The following ASIC2 variants were observed in gnomAD, a reference collection of about 807,000 sequenced individuals.
ASIC2 encodes acid sensing ion channel subunit 2.
Under a neutral mutation model 57.3 loss-of-function variants are expected in ASIC2, and 25 were observed. The observed-to-expected ratio is 0.44, with a 90% CI of 0.32 to 0.61. The LOEUF (loss-of-function observed/expected upper bound fraction) is 0.61, where lower values mean the gene tolerates loss of function less well. Among genes scored for constraint, ASIC2 ranks in the 20% least tolerant of loss-of-function variants. The pLI, the probability that ASIC2 is intolerant of heterozygous loss-of-function variation, is 0.06. For missense variants in ASIC2, 641 were observed against 738.1 expected, an observed-to-expected ratio of 0.87 and a Z score of 1.52; for synonymous variants, 319 against 307.5, an observed-to-expected ratio of 1.04 and a Z score of -0.39.
At chr17:33,508,735 C>A (rs1037955797) in intron 1 of ASIC2, among the ~76,000 whole-genome samples, 3 of 152,298 alleles carry the variant, frequency 2.0e-5, no homozygotes, top group Admixed American at 6.5e-5. Flanking sequence ...CTCCAGGCTG[C>A]CTTCAGTTTC....
At chr17:33,980,942 A>ACCCCATCCCTTCCTCAAGTGTAATT (rs112983675) in intron 1 of ASIC2, 5 of 130,558 alleles carry the variant, frequency 3.8e-5, no homozygotes, top group African/African-American at 1.2e-4. Context: ...CTCAAGTGTA[A>ACCCCATCCCTTCCTCAAGTGTAATT]TTTTTTTTTT....
intron 1 of ASIC2, among the ~76,000 whole-genome samples, chr17:33,907,645 T>G (rs1915377134): frequency 6.6e-6 from 1 of 152,178 alleles, no homozygotes; most frequent in Non-Finnish European, 1.5e-5. Context: ...ATTCTTTTCT[T>G]TCTTCCGGAT....
At chr17:33,932,713 C>CAAAGA (rs1567760132) in intron 1 of ASIC2, 2 of 44,076 alleles carry the variant, frequency 4.5e-5, no homozygotes, top group Admixed American at 3.8e-4. Flanking sequence ...AACTTTGTTT[C>CAAAGA]AAAAAAAAAA....
intron 1 of ASIC2, among the ~76,000 whole-genome samples, chr17:33,911,777 C>A (rs968216119): frequency 6.6e-6 from 1 of 152,166 alleles, no homozygotes; most frequent in East Asian, 1.9e-4. Context: ...AGCTAACATT[C>A]ATACTTATGG....
At chr17:33,561,196 A>G (rs1415696562) in intron 1 of ASIC2, among the ~76,000 whole-genome samples, 2 of 152,224 alleles carry the variant, frequency 1.3e-5, no homozygotes, top group African/African-American at 2.4e-5. Context: ...CATGAAGGCC[A>G]ACACTAGAAT....
chr17:33,160,237 A>AAGAAT (rs1158718492), intron 1 of ASIC2, among the ~76,000 whole-genome samples: 1 of 151,784 alleles, frequency 6.6e-6, no homozygotes, highest in Non-Finnish European at 1.5e-5. Flanking sequence ...AAGAAAAGAA[A>AAGAAT]AGAAAATGCT....
intron 1 of ASIC2, among the ~76,000 whole-genome samples, chr17:34,044,833 C>T (rs1908277434): frequency 6.6e-6 from 1 of 152,152 alleles, no homozygotes; most frequent in African/African-American, 2.4e-5. Flanking sequence ...TTGGGCTGCC[C>T]CTCATCATCT....
intron 1 of ASIC2, among the ~76,000 whole-genome samples, chr17:33,560,306 G>C (rs546606586): frequency 6.6e-6 from 1 of 152,222 alleles, no homozygotes. Flanking sequence ...CGTCCTCCCT[G>C]ATCAGAGAAA....
At chr17:33,788,666 G>A (rs1400561384) in intron 1 of ASIC2, among the ~76,000 whole-genome samples, 4 of 152,124 alleles carry the variant, frequency 2.6e-5, no homozygotes, top group Non-Finnish European at 5.9e-5. Flanking sequence ...ACCCATCGAC[G>A]ATAGATTGGA....
intron 1 of ASIC2, among the ~76,000 whole-genome samples, chr17:33,211,761 C>T (rs1187578479): frequency 6.6e-6 from 1 of 152,194 alleles, no homozygotes; most frequent in East Asian, 1.9e-4. Context: ...GAGTCCTGAT[C>T]TGTTTGCACA....
At chr17:33,216,914 T>G (rs1340588865) in intron 1 of ASIC2, among the ~76,000 whole-genome samples, 1 of 151,842 alleles carries the variant, frequency 6.6e-6, no homozygotes, top group African/African-American at 2.4e-5. Context: ...TGAGAAACAG[T>G]GAAGGGGTGG....
At chr17:33,513,933 C>G (rs1374921235) in intron 1 of ASIC2, among the ~76,000 whole-genome samples, 1 of 152,224 alleles carries the variant, frequency 6.6e-6, no homozygotes, top group Non-Finnish European at 1.5e-5. Flanking sequence ...TAGACGCCAT[C>G]ATAGGTGTAG....
chr17:33,733,141 T>C (rs1412735103), intron 1 of ASIC2, among the ~76,000 whole-genome samples: 2 of 152,204 alleles, frequency 1.3e-5, no homozygotes, highest in Non-Finnish European at 2.9e-5. Flanking sequence ...AATATAATTA[T>C]TGGCCCTAAC....
At position 34,029,729 on chromosome 17, in the gene ASIC2, G is replaced by C. The variant is rs149233023; in HGVS notation, c.555+126249C>G. Among the ~76,000 whole-genome samples the C allele has an allele frequency of 2.4e-3, 361 of 152,358 alleles. 2 individuals are homozygous for C. The highest frequency in any genetic ancestry group is 8.1e-3 in the African/African-American group (335 of 41,584). The stretch of plus-strand genomic sequence containing the variant: ...TGAGAAAGCAGCTATCTGCAAGTCA[G>C]GAAGAGAGCCTTCACCAGAAAATTG... On this transcript the variant is annotated intron_variant, in intron 1 of 9. Coordinates refer to the ASIC2 transcript ENST00000359872.
intron 1 of ASIC2, among the ~76,000 whole-genome samples, chr17:33,878,328 C>T (rs369196543): frequency 2.0e-4 from 31 of 152,208 alleles, no homozygotes; most frequent in South Asian, 2.1e-4. Flanking sequence ...GGAGGAAGTT[C>T]GAACCCATAG....
At chr17:33,343,998 A>G (rs1597691425) in intron 1 of ASIC2, among the ~76,000 whole-genome samples, 1 of 152,074 alleles carries the variant, frequency 6.6e-6, no homozygotes, top group Non-Finnish European at 1.5e-5. Flanking sequence ...CTTCCCAGAT[A>G]CCTCCAGGCT....
intron 1 of ASIC2, among the ~76,000 whole-genome samples, chr17:33,613,512 C>T (rs1311272427): frequency 6.6e-6 from 1 of 151,768 alleles, no homozygotes; most frequent in Non-Finnish European, 1.5e-5. Context: ...CTACAGGCAC[C>T]CGCCACCACG....
chr17:34,031,708 G>A (rs1163825867), intron 1 of ASIC2, among the ~76,000 whole-genome samples: 1 of 152,250 alleles, frequency 6.6e-6, no homozygotes, highest in Non-Finnish European at 1.5e-5. Flanking sequence ...AGAGCTACGT[G>A]ACGAATGCAG....
At chr17:33,463,840 T>C (rs371267082) in intron 1 of ASIC2, among the ~76,000 whole-genome samples, 23 of 152,190 alleles carry the variant, frequency 1.5e-4, no homozygotes, top group African/African-American at 5.1e-4. Context: ...TGAGAATGTG[T>C]CTCTCCCTCC....
Sources: allele counts gnomAD v4.1 joint callset (sites outside exome capture counted in the v4.1 genomes callset), GRCh38; gene constraint gnomAD v4.1.1; transcripts MANE v1.5; gene names NCBI Gene and HGNC (gene_info 2026-07-23, HGNC 2026-07-21).